Variants in MARCHF3 observed in about 807,000 individuals in gnomAD.
MARCHF3 encodes E3 ubiquitin-protein ligase MARCHF3.
In MARCHF3, 13 loss-of-function variants were observed where a neutral mutation model predicts 24.2. The ratio of observed to expected loss-of-function variants is 0.54; its 90% confidence interval spans 0.35 to 0.85. The LOEUF is 0.85. Among genes scored for constraint, MARCHF3 ranks in the 40% least tolerant of loss-of-function variants. The pLI, the probability that MARCHF3 is intolerant of heterozygous loss-of-function variation, is 0.01. For synonymous variants in MARCHF3, 144 were observed against 137.3 expected (o/e 1.05, Z -0.34); for missense variants, 276 against 325.0 (o/e 0.85, Z 1.16).
intron 1 of MARCHF3, among the ~76,000 whole-genome samples, chr5:127,022,384 C>T (rs72782311): frequency 0.01 from 1,564 of 152,172 alleles, 15 homozygotes; most frequent in Non-Finnish European, 0.016. Flanking sequence ...AAGAGAATAT[C>T]AAAGGAAGGA....
chr5:126,907,563 AC>A (rs1754346240), intron 3 of MARCHF3, among the ~76,000 whole-genome samples: 1 of 151,616 alleles, frequency 6.6e-6, no homozygotes, highest in African/African-American at 2.4e-5. Context: ...TGATCCCTTT[AC>A]CATTAAGTAA....
chr5:126,911,327 G>A (rs956523423), intron 3 of MARCHF3, among the ~76,000 whole-genome samples: 13 of 152,010 alleles, frequency 8.6e-5, no homozygotes, highest in East Asian at 7.7e-4. Flanking sequence ...CTGGTTTTAC[G>A]GCTCAGGGGG....
At chr5:127,022,980 T>G (rs1027538050) in intron 1 of MARCHF3, among the ~76,000 whole-genome samples, 5 of 152,186 alleles carry the variant, frequency 3.3e-5, no homozygotes, top group Admixed American at 3.3e-4. Flanking sequence ...AATGGCCTCT[T>G]CAGGTAGTTA....
intron 4 of MARCHF3, among the ~76,000 whole-genome samples, chr5:126,877,532 A>G (rs1269403345): frequency 6.6e-6 from 1 of 152,198 alleles, no homozygotes; most frequent in Non-Finnish European, 1.5e-5. Flanking sequence ...TAAAAGTTAA[A>G]AGAATGAAAA....
chr5:126,878,563 C>T (rs1454254238), intron 3 of MARCHF3, among the ~76,000 whole-genome samples, 169 bp from the exon 4 acceptor site: 1 of 152,154 alleles, frequency 6.6e-6, no homozygotes, highest in Non-Finnish European at 1.5e-5. Context: ...CCATGCTCCA[C>T]CCCCTGAATA....
chr5:126,918,472 C>G (rs1431312103), intron 1 of MARCHF3, among the ~76,000 whole-genome samples: 1 of 152,136 alleles, frequency 6.6e-6, no homozygotes, highest in South Asian at 2.1e-4. Flanking sequence ...AAACATTTAG[C>G]AGCCCTGCTT....
chr5:126,872,854 G>GT (rs551802355), intron 4 of MARCHF3, among the ~76,000 whole-genome samples: 13 of 151,026 alleles, frequency 8.6e-5, no homozygotes, highest in South Asian at 6.3e-4. Context: ...GATCAGTTTG[G>GT]TTTTTTTTTC....
At chr5:126,921,782 G>A (rs915318077) in intron 1 of MARCHF3, among the ~76,000 whole-genome samples, 1 of 152,202 alleles carries the variant, frequency 6.6e-6, no homozygotes, top group East Asian at 1.9e-4. Context: ...GGCCAGGCTT[G>A]ACACCTTGCA....
intron 3 of MARCHF3, chr5:126,899,141 C>T (rs1754021849): frequency 1.0e-6 from 1 of 985,164 alleles, no homozygotes. Flanking sequence ...CCTATCTCTT[C>T]AAGAAAGGAG....
intron 3 of MARCHF3, among the ~76,000 whole-genome samples, chr5:126,910,640 C>T (rs532405103): frequency 6.6e-6 from 1 of 152,326 alleles, no homozygotes; most frequent in East Asian, 1.9e-4. Context: ...ACTTTAATCT[C>T]TTAATCCCAT....
intron 1 of MARCHF3, among the ~76,000 whole-genome samples, chr5:126,959,634 A>G (rs147288455): frequency 2.4e-4 from 37 of 152,332 alleles, no homozygotes; most frequent in African/African-American, 8.2e-4. Context: ...GTAAGACATT[A>G]ATAATAGGGG....
intron 1 of MARCHF3, among the ~76,000 whole-genome samples, chr5:126,950,553 C>T (rs949032254): frequency 5.9e-5 from 9 of 152,128 alleles, no homozygotes; most frequent in Non-Finnish European, 1.0e-4. Flanking sequence ...CTCTGCCTCT[C>T]CAGCTGCTAT....
intron 1 of MARCHF3, among the ~76,000 whole-genome samples, chr5:127,000,148 C>T (rs1427024124): frequency 2.6e-5 from 4 of 151,774 alleles, no homozygotes; most frequent in Non-Finnish European, 4.4e-5. Context: ...TTTAACCAAC[C>T]TTCGTTTGCT....
At chr5:126,884,051 C>T (rs144279700) in intron 3 of MARCHF3, among the ~76,000 whole-genome samples, 172 of 152,274 alleles carry the variant, frequency 1.1e-3, no homozygotes, top group African/African-American at 4.0e-3. Context: ...ATTAACCTTG[C>T]CTTTCTTGAG....
At chr5:127,026,115 A>G (rs1264330517) in intron 1 of MARCHF3, among the ~76,000 whole-genome samples, 1 of 152,144 alleles carries the variant, frequency 6.6e-6, no homozygotes, top group Non-Finnish European at 1.5e-5. Context: ...AAAAAAAGTT[A>G]TAATAGAATT....
At chr5:126,915,427 A>G (rs1190995056) in intron 2 of MARCHF3, among the ~76,000 whole-genome samples, 2 of 152,270 alleles carry the variant, frequency 1.3e-5, no homozygotes, top group Admixed American at 1.3e-4. Flanking sequence ...CCTTGAATAT[A>G]AATGTAGTTC....
intron 1 of MARCHF3, among the ~76,000 whole-genome samples, chr5:126,963,595 G>C (rs924032835): frequency 1.3e-5 from 2 of 152,148 alleles, no homozygotes; most frequent in Non-Finnish European, 2.9e-5. Context: ...GCTAAGACAA[G>C]ATTAATTGGA....
At chr5:126,914,283 A>T (rs1712769292) in intron 3 of MARCHF3, among the ~76,000 whole-genome samples, 1 of 152,122 alleles carries the variant, frequency 6.6e-6, no homozygotes. Flanking sequence ...GCGCCCAGCC[A>T]AGAGTTCAAT....
chr5:126,996,431 T>C (rs1186932987), intron 1 of MARCHF3, among the ~76,000 whole-genome samples: 1 of 152,036 alleles, frequency 6.6e-6, no homozygotes, highest in East Asian at 1.9e-4. Flanking sequence ...ACATATTTAG[T>C]CTCCCACTTT....
Sources: allele counts gnomAD v4.1 joint callset (sites outside exome capture counted in the v4.1 genomes callset), GRCh38; gene constraint gnomAD v4.1.1; transcripts MANE v1.5; gene names NCBI Gene and HGNC (gene_info 2026-07-23, HGNC 2026-07-21).